The following SVIL variants were observed in gnomAD, a reference collection of about 807,000 sequenced individuals.
SVIL encodes the protein archvillin.
A neutral mutation model predicts 240.4 loss-of-function variants in SVIL; 101 were observed. The ratio of observed to expected loss-of-function variants is 0.42; its 90% CI spans 0.36 to 0.50. The LOEUF is 0.50. SVIL is among the 20% of genes least tolerant of loss of function. SVIL has a pLI of 0.01. For missense variants in SVIL, 2,512 were observed against 2,818.7 expected (o/e 0.89, Z 2.46); for synonymous variants, 999 against 1,100.0 (o/e 0.91, Z 1.82).
At chr10:29,503,881 G>A (rs1447682207) in intron 17 of SVIL, among the ~76,000 whole-genome samples, 1 of 152,096 alleles carries the variant, frequency 6.6e-6, no homozygotes, top group Non-Finnish European at 1.5e-5. Context: ...AAAAGACCCA[G>A]AATAGCCAAC....
intron 1 of SVIL, among the ~76,000 whole-genome samples, chr10:29,690,888 C>T (rs919695485): frequency 2.1e-4 from 32 of 152,168 alleles, no homozygotes; most frequent in Non-Finnish European, 4.1e-4. Context: ...TACCTGAGAA[C>T]AATCAAGTTG....
intron 1 of SVIL, among the ~76,000 whole-genome samples, chr10:29,615,095 C>G (rs750441310): frequency 6.6e-6 from 1 of 152,124 alleles, no homozygotes; most frequent in African/African-American, 2.4e-5. Context: ...GTAGCTTCAG[C>G]GGCCACAGAG....
At chr10:29,508,909 T>C (rs1949571302) in intron 17 of SVIL, among the ~76,000 whole-genome samples, 1 of 152,220 alleles carries the variant, frequency 6.6e-6, no homozygotes, top group Non-Finnish European at 1.5e-5. Context: ...ACAAAAGACG[T>C]GGGAGCCACC....
chr10:29,555,089 G>A lies in SVIL; in HGVS notation c.-31C>T. On this transcript the variant is annotated 5_prime_UTR_variant, in exon 4 of 38. Coordinates refer to ENST00000355867, the MANE Select transcript of SVIL (RefSeq NM_021738.3). ...AGAATTCTTTCTTCTTTGGTTCAAA[G>A]ATTTGTCTTAATTCTGCAACTGGAA... 1 of 1,611,932 alleles carries A rather than the reference G, an allele frequency of 6.2e-7. No individual in the cohort carries two copies. Among genetic ancestry groups the A allele is most frequent in the African/African-American group, 1.3e-5 (1 of 74,782 alleles).
intron 3 of SVIL, among the ~76,000 whole-genome samples, chr10:29,556,316 A>G (rs957100990): frequency 6.6e-6 from 1 of 152,232 alleles, no homozygotes; most frequent in African/African-American, 2.4e-5. Flanking sequence ...GCCAGGGCCA[A>G]TGAAAAGTTT....
chr10:29,719,542 C>T (rs1437647730), intron 1 of SVIL, among the ~76,000 whole-genome samples: 1 of 152,148 alleles, frequency 6.6e-6, no homozygotes, highest in Non-Finnish European at 1.5e-5. Context: ...CAATGTCAAT[C>T]AACTGAAACT....
intron 2 of SVIL, among the ~76,000 whole-genome samples, chr10:29,566,394 T>C (rs1196559678): frequency 1.3e-5 from 2 of 152,144 alleles, no homozygotes; most frequent in South Asian, 2.1e-4. Context: ...GCTAAATGAC[T>C]GGGGGCTTCT....
chr10:29,650,318 T>G (rs996985312), intron 3 of SVIL, among the ~76,000 whole-genome samples: 2 of 152,166 alleles, frequency 1.3e-5, no homozygotes, highest in African/African-American at 4.8e-5. Flanking sequence ...GGGGAAAGAA[T>G]GTACTGATGC....
chr10:29,538,065 G>A (rs2132588185), intron 6 of SVIL, among the ~76,000 whole-genome samples: 1 of 152,340 alleles, frequency 6.6e-6, no homozygotes, highest in East Asian at 1.9e-4. Context: ...GAGGGCAAGA[G>A]GGGCCAGCAG....
chr10:29,533,411 C>G lies in SVIL; in HGVS notation c.956G>C (p.Ser319Thr). 6.2e-7 allele frequency: 1 copy of G among 1,614,142 alleles called. No homozygotes were observed. Among genetic ancestry groups the G allele is most frequent in the Non-Finnish European group, 8.5e-7 (1 of 1,180,000 alleles). The change falls in exon 8 of 38, where the codon AGC becomes ACC. Residue 319 changes from serine to threonine, a missense_variant. Ser to Thr is a moderately conservative substitution (Grantham distance 58, BLOSUM62 1). This residue lies in a region of SVIL where 1,443 missense variants were observed against 1,486.6 expected (regional missense o/e 0.97). Coordinates refer to ENST00000355867, the MANE Select transcript of SVIL (RefSeq NM_021738.3). ...KLVKEESARN[S>T]PELASESVTQ... ...TACGGACTCTGAGGCGAGTTCAGGG[C>G]TGTTTCGAGCACTTTCCTCTTTCAC...
At chr10:29,678,394 C>T (rs1960366240) in intron 2 of SVIL, among the ~76,000 whole-genome samples, 1 of 151,976 alleles carries the variant, frequency 6.6e-6, no homozygotes, top group Non-Finnish European at 1.5e-5. Flanking sequence ...GGTTCATGCT[C>T]CTATGGAATC....
At chr10:29,519,416 G>A (rs1291598875) in intron 16 of SVIL, among the ~76,000 whole-genome samples, 1 of 152,160 alleles carries the variant, frequency 6.6e-6, no homozygotes, top group Non-Finnish European at 1.5e-5. Context: ...TTAGAATAAA[G>A]TTTGGAAGTC....
intron 34 of SVIL, among the ~76,000 whole-genome samples, chr10:29,464,604 A>T (rs1394756075): frequency 6.6e-6 from 1 of 152,098 alleles, no homozygotes; most frequent in East Asian, 1.9e-4. Context: ...CATGCATTTC[A>T]GGATTCTGTG....
At chr10:29,718,721 T>C (rs1176672445) in intron 1 of SVIL, among the ~76,000 whole-genome samples, 1 of 152,064 alleles carries the variant, frequency 6.6e-6, no homozygotes, top group East Asian at 1.9e-4. Flanking sequence ...CTGAGCAAAC[T>C]ACATGTGCCT....
At chr10:29,475,777 A>G (rs113003198) in intron 29 of SVIL, among the ~76,000 whole-genome samples, 165 of 152,324 alleles carry the variant, frequency 1.1e-3, no homozygotes, top group African/African-American at 3.9e-3. Context: ...ACACCCACAC[A>G]GGTTTAAAAG....
intron 3 of SVIL, among the ~76,000 whole-genome samples, chr10:29,562,769 GAAAAAAAAAAAAAAAA>G (rs34507610): frequency 8.6e-6 from 1 of 115,718 alleles, no homozygotes; most frequent in Non-Finnish European, 1.7e-5. Context: ...TCAAAAAAAA[GAAAAAAAAAAAAAAAA>G]AAAAAAAAAA....
chr10:29,657,162 C>T (rs1269239639), intron 3 of SVIL, among the ~76,000 whole-genome samples: 3 of 152,160 alleles, frequency 2.0e-5, no homozygotes, highest in African/African-American at 7.2e-5. Flanking sequence ...TCAATGATTA[C>T]CTTTCCTTAA....
At chr10:29,689,332 T>G (rs949573298) in intron 1 of SVIL, among the ~76,000 whole-genome samples, 3 of 152,154 alleles carry the variant, frequency 2.0e-5, no homozygotes, top group Non-Finnish European at 4.4e-5. Context: ...TCACCCAGGC[T>G]GGAGTGCCCT....
chr10:29,549,738 T>C (rs1953059978), intron 6 of SVIL, among the ~76,000 whole-genome samples: 1 of 144,388 alleles, frequency 6.9e-6, no homozygotes, highest in Admixed American at 7.0e-5. Flanking sequence ...TGGATGAAGC[T>C]GGAAACCATC....
Sources: gnomAD v4.1 joint callset for allele counts (sites outside exome capture counted in the v4.1 genomes callset) on GRCh38, gnomAD v4.1.1 for gene constraint, gnomAD v4.1.1 regional missense constraint, MANE v1.5 for transcripts, NCBI Gene and HGNC (gene_info 2026-07-23, HGNC 2026-07-21) for gene names.